The following ZNF385A variants were observed in gnomAD, a reference collection of about 807,000 sequenced individuals.
The protein encoded by ZNF385A is hematopoietic zinc finger protein.
A neutral mutation model predicts 32.1 loss-of-function variants in ZNF385A; 14 were observed. The observed-to-expected ratio is 0.44, with a 90% CI of 0.29 to 0.68. ZNF385A has a LOEUF of 0.68. Ranked by LOEUF, ZNF385A falls within the 30% of genes least tolerant of loss-of-function variation. ZNF385A has a pLI of 0.14. For synonymous variants in ZNF385A, 197 were observed against 202.7 expected (o/e 0.97, Z 0.24); for missense variants, 406 against 478.4 (o/e 0.85, Z 1.41).
chr12:54,384,613 G>A lies in ZNF385A; in HGVS notation c.-99C>T. The A allele has an allele frequency of 7.0e-7, 1 of 1,422,978 alleles. No individual in the cohort carries two copies. Among genetic ancestry groups the A allele is most frequent in the East Asian group, 2.7e-5 (1 of 36,746 alleles). 88.1% of individuals were successfully genotyped at this position (1,422,978 alleles called of 1,614,324 possible). A position where few individuals can be genotyped will look rare whatever the true frequency, so the allele number is the denominator to read the frequency against. ...GTGGGGTAGGAAGATTAAAGCTTGG[G>A]AACCCCACCCAAGCCTGCCAGTCCC... On this transcript the variant is annotated 5_prime_UTR_variant, in exon 1 of 7. Coordinates refer to ENST00000394313, the MANE Select transcript of ZNF385A (RefSeq NM_015481.3).
Position 54,370,159 on chromosome 12 carries a change from AT to A in ZNF385A, c.*96del. On this transcript the variant is annotated 3_prime_UTR_variant, in exon 7 of 7. Transcript: ENST00000394313. This position sits in a 1 kb window ranked among gnomAD's most constrained non-coding sequence, Gnocchi z 5.5. ...GGGTGGGGGGGGGGAAGGAGAGATC[AT>A]TTAGGGAGTGCCGGGAGGAGGGGCG... is the stretch of plus-strand genomic sequence containing the variant. 3 of 882,648 alleles carry A rather than the reference AT, an allele frequency of 3.4e-6. No individual in the cohort carries two copies. Among genetic ancestry groups the A allele is most frequent in the Non-Finnish European group, 4.9e-6 (3 of 616,602 alleles). 54.7% of individuals were successfully genotyped at this position (882,648 alleles called of 1,614,324 possible).
intron 3 of ZNF385A, 59 bp downstream of exon 3, chr12:54,373,914 G>C: frequency 2.8e-6 from 4 of 1,411,278 alleles, no homozygotes; most frequent in Non-Finnish European, 3.8e-6. Flanking sequence ...TTCTGGAAAA[G>C]GGGGAGAGAA....
upstream of ZNF385A, among the ~76,000 whole-genome samples, chr12:54,387,041 A>G (rs914266008): frequency 6.6e-6 from 1 of 152,194 alleles, no homozygotes; most frequent in Non-Finnish European, 1.5e-5. Flanking sequence ...ACTCTACAGC[A>G]AATTCTTTCT....
At chr12:54,378,158 C>T (rs560595722) in intron 1 of ZNF385A, among the ~76,000 whole-genome samples, 161 of 152,286 alleles carry the variant, frequency 1.1e-3, no homozygotes, top group Non-Finnish European at 1.5e-3. Flanking sequence ...GTGCTTCCCA[C>T]CCTCCTCCAG....
intron 1 of ZNF385A, among the ~76,000 whole-genome samples, chr12:54,383,728 C>T (rs903469446): frequency 2.0e-5 from 3 of 152,188 alleles, no homozygotes; most frequent in African/African-American, 7.2e-5. Context: ...AACCCCATCT[C>T]TACTAAAAAT....
chr12:54,374,227 A>T, intron 2 of ZNF385A, 92 bp from the exon 3 acceptor site: 1 of 1,243,030 alleles, frequency 8.0e-7, no homozygotes, highest in Non-Finnish European at 1.1e-6. Context: ...GGGTGATCTC[A>T]GCAGGCTGCA....
chr12:54,384,471 A>G lies in ZNF385A; in HGVS notation c.44T>C (p.Leu15Pro). 1 of 1,588,994 alleles carries G rather than the reference A, an allele frequency of 6.3e-7. No homozygotes were observed. The highest frequency in any genetic ancestry group is 1.1e-5 in the South Asian group (1 of 87,440). The change falls in exon 1 of 7, where the codon CTC (leucine) becomes CCC (proline). Residue 15 changes from leucine to proline, a missense_variant. Physicochemically the swap from Leu to Pro is moderately conservative, Grantham distance 98. Coordinates refer to ENST00000394313, the MANE Select transcript of ZNF385A (RefSeq NM_015481.3). ...GAGGCCAAGGGTAGGGGCTGGCTCG[A>G]GTGGGAAGGGCAGGATCTGCTTGAG... ...LDLKQILPFP[L>P]EPAPTLGLFS...
intron 1 of ZNF385A, among the ~76,000 whole-genome samples, chr12:54,378,887 G>A (rs1050229844): frequency 2.6e-5 from 4 of 152,150 alleles, no homozygotes; most frequent in Admixed American, 1.3e-4. Flanking sequence ...GTAGTCTGGG[G>A]GCATGAGCTG....
chr12:54,379,372 G>A (rs1468893473), intron 1 of ZNF385A, among the ~76,000 whole-genome samples: 1 of 152,052 alleles, frequency 6.6e-6, no homozygotes, highest in African/African-American at 2.4e-5. Context: ...TCCTAGGAAA[G>A]AGCTTGTTCT....
At chr12:54,373,852 T>A in intron 3 of ZNF385A, 121 bp downstream of exon 3, 2 of 1,069,894 alleles carry the variant, frequency 1.9e-6, no homozygotes, top group Admixed American at 3.3e-5. Flanking sequence ...TCACCTTGGG[T>A]GGGGGTGGGG....
At chr12:54,371,404 G>A (rs1954543206) in intron 4 of ZNF385A, 69 bp downstream of exon 4, 2 of 1,558,734 alleles carry the variant, frequency 1.3e-6, no homozygotes, top group African/African-American at 1.4e-5. Flanking sequence ...GAAGCCAGGG[G>A]CATTAGGATG....
In ZNF385A at chr12:54,370,734, G is replaced by A; in HGVS notation, c.775-13C>T. 6.3e-7 allele frequency: 1 copy of A among 1,581,454 alleles called. No individual in the cohort carries two copies. The highest frequency in any genetic ancestry group is 8.6e-7 in the Non-Finnish European group (1 of 1,167,086). ...GGCTGGAGATGTGCTGCGGGGGCCAGTGGATAGGGGGCTGTGAGCTCCCGG... is the reference window on the plus strand; with the variant it reads ...GGCTGGAGATGTGCTGCGGGGGCCAATGGATAGGGGGCTGTGAGCTCCCGG... On this transcript the variant is annotated splice_polypyrimidine_tract_variant and intron_variant, in intron 5 of 6. Transcript: ENST00000394313. The surrounding 1 kb of genome is among the most constrained non-coding windows in gnomAD (Gnocchi z 5.5).
chr12:54,375,952 C>T lies in ZNF385A; in HGVS notation c.90G>A (p.Met30Ile), dbSNP rs1427876266. The change falls in exon 2 of 7, where the codon ATG becomes ATA. Residue 30 changes from methionine to isoleucine, a missense_variant and splice_region_variant. Physicochemically the swap from Met to Ile is conservative, Grantham distance 10. Coordinates refer to ENST00000394313, the MANE Select transcript of ZNF385A (RefSeq NM_015481.3). Reference protein sequence around the residue: ...TLGLFSNYSTMDPVQKAVLSH... With the variant: ...TLGLFSNYSTIDPVQKAVLSH... ...AGAGCACAGCCTTCTGCACAGGGTC[C>T]ATCTGTGGAGGCAGGCTGGGGTGAG... 2 of 1,613,560 alleles carry T rather than the reference C, an allele frequency of 1.2e-6. No individual in the cohort carries two copies. Among genetic ancestry groups the T allele is most frequent in the African/African-American group, 1.3e-5 (1 of 74,906 alleles).
chr12:54,371,033 C>T lies in ZNF385A; in HGVS notation c.668G>A (p.Arg223Gln). ...SGLGPIKAYPRLGPPTPGEPE... is the reference protein window; with the variant it reads ...SGLGPIKAYPQLGPPTPGEPE... ...TTCCCCCGGGGTGGGAGGCCCCAGC[C>T]GAGGGTAAGCTTTGATGGGCCCGAG... The change falls in exon 5 of 7, where the codon CGG (arginine) becomes CAG (glutamine). Residue 223 changes from arginine to glutamine, a missense_variant. By Grantham distance (43) the Arg-to-Gln change is conservative. Transcript: ENST00000394313. 2 of 1,614,088 alleles carry T rather than the reference C, an allele frequency of 1.2e-6. No homozygotes were observed. Among genetic ancestry groups the T allele is most frequent in the Non-Finnish European group, 1.7e-6 (2 of 1,179,980 alleles).
At chr12:54,389,097 G>A (rs576809566), upstream of ZNF385A, among the ~76,000 whole-genome samples, 2 of 152,142 alleles carry the variant, frequency 1.3e-5, no homozygotes, top group Non-Finnish European at 2.9e-5. Flanking sequence ...CTCCTTCAAT[G>A]TGCCACTACC....
chr12:54,384,815 C>T (rs1344563577), upstream of ZNF385A: 24 of 1,225,232 alleles, frequency 2.0e-5, no homozygotes, highest in African/African-American at 3.1e-5. Context: ...GCCTCCCTCC[C>T]CCAAACTCCT....
Position 54,370,448 on chromosome 12 carries a change from C to G in ZNF385A, c.909G>C (p.Leu303=). 6.4e-7 allele frequency: 1 copy of G among 1,550,924 alleles called. No individual in the cohort carries two copies. Residue 303 remains leucine (L), a synonymous_variant, in exon 7 of 7, where the codon CTG becomes CTC. Transcript: ENST00000394313. The surrounding 1 kb of genome is among the most constrained non-coding windows in gnomAD (Gnocchi z 5.5). ...GGGGGCTGGGGAGCAGGCCGCCCGC[C>G]AGGGACTTGGGCAGCTCCTTGGAGA... ...LTFSKELPKS[L]AGGLLPSPLA...
At chr12:54,371,234 C>T in intron 4 of ZNF385A, 138 bp from the exon 5 acceptor site, 1 of 1,124,054 alleles carries the variant, frequency 8.9e-7, no homozygotes, top group Non-Finnish European at 1.3e-6. Context: ...AACTAAGCTC[C>T]TTGGGACCCT....
At chr12:54,381,665 A>C (rs1955189349) in intron 1 of ZNF385A, among the ~76,000 whole-genome samples, 1 of 152,190 alleles carries the variant, frequency 6.6e-6, no homozygotes, top group Non-Finnish European at 1.5e-5. Flanking sequence ...ACTTTCTCAA[A>C]TGCTCCTTTC....
Sources: gnomAD v4.1 joint callset for allele counts (sites outside exome capture counted in the v4.1 genomes callset) on GRCh38, gnomAD v4.1.1 for gene constraint, Gnocchi (gnomAD v3.1) non-coding constraint, MANE v1.5 for transcripts, NCBI Gene and HGNC (gene_info 2026-07-23, HGNC 2026-07-21) for gene names.